PDK3: variants seen among roughly 807,000 people sequenced by gnomAD.
The protein encoded by PDK3 is pyruvate dehydrogenase kinase, isozyme 3.
A neutral mutation model predicts 32.0 loss-of-function variants in PDK3; 12 were observed. That is an observed-to-expected ratio of 0.37 (90% CI 0.24 to 0.61). The LOEUF (loss-of-function observed/expected upper bound fraction) is 0.61, where lower values mean the gene tolerates loss of function less well. Among genes scored for constraint, PDK3 ranks in the 20% least tolerant of loss-of-function variants. PDK3 has a pLI of 0.65. For synonymous variants in PDK3, 122 were observed against 116.3 expected, an observed-to-expected ratio of 1.05 and a Z score of -0.31; for missense variants, 188 against 316.9, an observed-to-expected ratio of 0.59 and a Z score of 3.09.
intron 5 of PDK3, among the ~76,000 whole-genome samples, chrX:24,511,705 G>A (rs1309589334): frequency 1.8e-5 from 2 of 110,549 alleles, no homozygotes; most frequent in Admixed American, 9.6e-5. Context: ...AAAGTTAGAC[G>A]GGCATGGTGG....
At chrX:24,544,663 C>T (rs1264290932) in exon 12 of PDK3, among the ~76,000 whole-genome samples, 3 of 111,978 alleles carry the variant, frequency 2.7e-5, no homozygotes, top group Non-Finnish European at 5.6e-5. Flanking sequence ...AACTCTTCTT[C>T]GATTCATCCC....
chrX:24,523,024 AG>A (rs1402124675), intron 6 of PDK3, among the ~76,000 whole-genome samples: 1 of 112,085 alleles, frequency 8.9e-6, no homozygotes, highest in Non-Finnish European at 1.9e-5. Context: ...TAGTCCATTT[AG>A]GCTGCTATAA....
At position 24,486,831 on chromosome X, in the gene PDK3, A is replaced by G. The variant is rs905914772; in HGVS notation, c.107-7911A>G. Among the ~76,000 whole-genome samples, 8 of 110,763 alleles carry G rather than the reference A, an allele frequency of 7.2e-5. 1 individual carries two copies. Among genetic ancestry groups the G allele is most frequent in the African/African-American group, 3.3e-5 (1 of 30,413 alleles). Reference sequence around the variant, plus strand: ...TTTTTTGTGGAGACTGGGTCTCCCTATGTTGCCTGGGCTGGTCTTGAACTC... The same window carrying G: ...TTTTTTGTGGAGACTGGGTCTCCCTGTGTTGCCTGGGCTGGTCTTGAACTC... On this transcript the variant is annotated intron_variant, in intron 1 of 10. Coordinates refer to ENST00000379162, the MANE Select transcript of PDK3 (RefSeq NM_005391.5).
intron 9 of PDK3, among the ~76,000 whole-genome samples, chrX:24,529,605 C>T (rs1475666379): frequency 9.1e-6 from 1 of 110,085 alleles, no homozygotes; most frequent in Non-Finnish European, 1.9e-5. Flanking sequence ...TAAAAATACA[C>T]GAAAATAGTC....
chrX:24,500,969 A>G (rs1270349623), intron 3 of PDK3, among the ~76,000 whole-genome samples: 3 of 112,058 alleles, frequency 2.7e-5, no homozygotes, highest in Admixed American at 1.9e-4. Flanking sequence ...AACGAGTATT[A>G]CATAAAGGAC....
intron 2 of PDK3, among the ~76,000 whole-genome samples, chrX:24,496,200 A>T (rs1054221560): frequency 9.0e-6 from 1 of 110,842 alleles, no homozygotes; most frequent in Admixed American, 9.6e-5. Context: ...ATTCCAGTAT[A>T]CCTTCACGTA....
downstream of PDK3, among the ~76,000 whole-genome samples, chrX:24,537,499 T>A (rs1402939594): frequency 9.1e-6 from 1 of 109,759 alleles, no homozygotes; most frequent in Non-Finnish European, 1.9e-5. Flanking sequence ...ATACCTTTTT[T>A]AGGCCCTTTT....
intron 1 of PDK3, among the ~76,000 whole-genome samples, chrX:24,482,962 T>C (rs919116066): frequency 8.9e-6 from 1 of 112,411 alleles, no homozygotes; most frequent in Non-Finnish European, 1.9e-5. Context: ...ACATGGTAGG[T>C]GCTTGGTAGA....
At chrX:24,520,125 G>A (rs1190810473) in intron 6 of PDK3, among the ~76,000 whole-genome samples, 1 of 111,715 alleles carries the variant, frequency 9.0e-6, no homozygotes, top group African/African-American at 3.2e-5. Flanking sequence ...CCCGGGAGGC[G>A]GAGGTTGCAG....
intron 6 of PDK3, among the ~76,000 whole-genome samples, chrX:24,523,118 A>T (rs1260641115): frequency 9.0e-6 from 1 of 110,658 alleles, no homozygotes; most frequent in Non-Finnish European, 1.9e-5. Context: ...TGGTTCCTGG[A>T]GATTTGGTGT....
At chrX:24,538,477 C>A (rs984422066), downstream of PDK3, among the ~76,000 whole-genome samples, 2 of 111,993 alleles carry the variant, frequency 1.8e-5, no homozygotes, top group African/African-American at 6.5e-5. Context: ...AAAATTCACC[C>A]TTTACAAATA....
rs139490398 is a variant in PDK3, at chrX:24,526,346, C to A, written c.750+72C>A. Reference sequence around the variant, plus strand: ...ACTTTGATTCAGGGCATAATGGATTCATTAGATTAGCATAAGAAAAAGGTT... The same window carrying A: ...ACTTTGATTCAGGGCATAATGGATTAATTAGATTAGCATAAGAAAAAGGTT... On this transcript the variant is annotated intron_variant, in intron 7 of 10. Transcript: ENST00000379162. The A allele has an allele frequency of 5.5e-4, 351 of 635,169 alleles. 2 individuals carry two copies. The African/African-American group carries it at 7.1e-3, about 13-fold the overall frequency. The allele number at this position is 635,169 out of a possible 1,213,427, so 52.3% of individuals were successfully genotyped here. A position where few individuals can be genotyped will look rare whatever the true frequency, so the allele number is the denominator to read the frequency against.
At chrX:24,470,370 A>G (rs1920977823) in intron 1 of PDK3, among the ~76,000 whole-genome samples, 1 of 111,280 alleles carries the variant, frequency 9.0e-6, no homozygotes, top group Non-Finnish European at 1.9e-5. Context: ...TCTAGAGTCC[A>G]TTTTGATATA....
intron 6 of PDK3, among the ~76,000 whole-genome samples, chrX:24,525,167 TAAATAA>T (rs1476289480): frequency 9.0e-6 from 1 of 110,856 alleles, no homozygotes; most frequent in Non-Finnish European, 1.9e-5. Context: ...AAAAAATAAA[TAAATAA>T]AAATAAAAAT....
At chrX:24,505,345 G>A in intron 5 of PDK3, 47 bp downstream of exon 5, 1 of 1,001,469 alleles carries the variant, frequency 1.0e-6, no homozygotes, top group Non-Finnish European at 1.4e-6. Flanking sequence ...AAATTGGATT[G>A]TGGTTTATTG....
chrX:24,527,286 G>T (rs1457195214), intron 7 of PDK3, among the ~76,000 whole-genome samples: 19 of 75,683 alleles, frequency 2.5e-4, no homozygotes, highest in African/African-American at 1.0e-3. Flanking sequence ...TTTAAATACC[G>T]TAAAGCGAAA....
At chrX:24,525,572 G>A (rs764761765) in intron 6 of PDK3, among the ~76,000 whole-genome samples, 1 of 111,826 alleles carries the variant, frequency 8.9e-6, no homozygotes, top group East Asian at 2.8e-4. Flanking sequence ...GCTCTGTACC[G>A]CACACTGTTC....
intron 9 of PDK3, among the ~76,000 whole-genome samples, chrX:24,528,956 G>A (rs889249795): frequency 4.4e-5 from 5 of 112,399 alleles, no homozygotes; most frequent in South Asian, 7.3e-4. Context: ...TTTTAAAGTC[G>A]TACCTGACTG....
chrX:24,489,086 T>C (rs1921481143), intron 1 of PDK3, among the ~76,000 whole-genome samples: 1 of 111,851 alleles, frequency 8.9e-6, no homozygotes, highest in African/African-American at 3.3e-5. Context: ...AAAACCAAAA[T>C]GTTTTTCTTG....
Sources: allele counts gnomAD v4.1 joint callset (sites outside exome capture counted in the v4.1 genomes callset), GRCh38; gene constraint gnomAD v4.1.1; transcripts MANE v1.5; gene names NCBI Gene and HGNC (gene_info 2026-07-23, HGNC 2026-07-21).